The following WASF2 variants were observed in gnomAD, a reference collection of about 807,000 sequenced individuals.
WASF2 encodes the protein WASP family member 2, also known as actin-binding protein WASF2.
Under a neutral mutation model 45.0 loss-of-function variants are expected in WASF2, and 14 were observed. The ratio of observed to expected loss-of-function variants is 0.31; its 90% CI spans 0.21 to 0.49. The LOEUF (loss-of-function observed/expected upper bound fraction) is 0.49. WASF2 is among the 20% of genes least tolerant of loss of function. The pLI, the probability that WASF2 is intolerant of heterozygous loss-of-function variation, is 0.99. For synonymous variants in WASF2, 200 were observed against 236.3 expected (o/e 0.85, Z 1.41); for missense variants, 439 against 636.1 (o/e 0.69, Z 3.33).
At chr1:27,461,528 T>C (rs912372332) in intron 1 of WASF2, among the ~76,000 whole-genome samples, 6 of 150,338 alleles carry the variant, frequency 4.0e-5, no homozygotes, top group African/African-American at 1.5e-4. Context: ...TGACGACGGA[T>C]CTTGGCTCAC....
chr1:27,484,836 G>GA (rs1410935630), intron 1 of WASF2, among the ~76,000 whole-genome samples: 10 of 142,260 alleles, frequency 7.0e-5, no homozygotes, highest in African/African-American at 2.2e-4. Flanking sequence ...TACTCTAAAG[G>GA]AAAAAAATCA....
At chr1:27,441,370 G>A (rs946587023) in intron 1 of WASF2, among the ~76,000 whole-genome samples, 3 of 151,712 alleles carry the variant, frequency 2.0e-5, no homozygotes, top group Admixed American at 2.0e-4. Flanking sequence ...GCTCACACCT[G>A]TAATCCCAGC....
At chr1:27,439,208 A>G (rs2017175875) in intron 1 of WASF2, among the ~76,000 whole-genome samples, 1 of 152,100 alleles carries the variant, frequency 6.6e-6, no homozygotes, top group Non-Finnish European at 1.5e-5. Context: ...CATTATCATG[A>G]CCCCTTGTCT....
chr1:27,486,872 C>T (rs2017934838), intron 1 of WASF2, among the ~76,000 whole-genome samples: 1 of 150,786 alleles, frequency 6.6e-6, no homozygotes, highest in South Asian at 2.1e-4. Context: ...TGCAGTAAGC[C>T]GAGATCACGC....
intron 1 of WASF2, among the ~76,000 whole-genome samples, chr1:27,483,463 C>CT (rs1392420342): frequency 1.3e-5 from 2 of 152,034 alleles, no homozygotes; most frequent in Non-Finnish European, 2.9e-5. Context: ...GAGCAAAACT[C>CT]TGTCTCGGAA....
intron 1 of WASF2, 61 bp from the exon 2 acceptor site, chr1:27,428,994 T>C: frequency 2.3e-6 from 3 of 1,318,600 alleles, no homozygotes; most frequent in Non-Finnish European, 3.1e-6. Context: ...ACTAGGGCTG[T>C]GTGAATCTTT....
chr1:27,481,912 C>T (rs1394996032), intron 1 of WASF2, among the ~76,000 whole-genome samples: 1 of 152,106 alleles, frequency 6.6e-6, no homozygotes, highest in African/African-American at 2.4e-5. Context: ...TGGAAATCAT[C>T]ATGAAAAGCA....
intron 1 of WASF2, among the ~76,000 whole-genome samples, chr1:27,456,706 C>CATTTATTT (rs1226559063): frequency 6.7e-6 from 1 of 150,090 alleles, no homozygotes; most frequent in African/African-American, 2.4e-5. Context: ...GTAAAACTTC[C>CATTTATTT]ATTTATTTAA....
intron 1 of WASF2, among the ~76,000 whole-genome samples, chr1:27,454,458 T>TC (rs2017440433): frequency 6.6e-6 from 1 of 151,638 alleles, no homozygotes; most frequent in Non-Finnish European, 1.5e-5. Flanking sequence ...CAAGAGATCC[T>TC]CCCAAGTAGC....
At chr1:27,415,471 G>A (rs896762441) in intron 5 of WASF2, among the ~76,000 whole-genome samples, 10 of 152,194 alleles carry the variant, frequency 6.6e-5, no homozygotes, top group African/African-American at 2.2e-4. Flanking sequence ...TGGGACTGAG[G>A]TTGCAACTGG....
At chr1:27,451,754 G>C (rs1241566138) in intron 1 of WASF2, among the ~76,000 whole-genome samples, 3 of 152,258 alleles carry the variant, frequency 2.0e-5, no homozygotes, top group African/African-American at 7.2e-5. Flanking sequence ...TGAAAGACCA[G>C]GTACACTTTC....
chr1:27,437,030 C>T (rs1400314657), intron 1 of WASF2, among the ~76,000 whole-genome samples: 1 of 152,208 alleles, frequency 6.6e-6, no homozygotes, highest in Non-Finnish European at 1.5e-5. Context: ...CAGTATCTTA[C>T]TCCTTGAGCA....
Position 27,409,868 on chromosome 1 carries a change from C to T in WASF2, c.1163G>A (p.Gly388Glu). The T allele has an allele frequency of 1.3e-6, 2 of 1,557,384 alleles. No homozygotes were observed. Among genetic ancestry groups the T allele is most frequent in the Admixed American group, 3.6e-5 (2 of 55,860 alleles). ...LPPPPLSQPT[G>E]GAPPPPPPPP... ...AGGAGGGGGAGGAGGAGGTGCTCCTCCTGTTGGCTGGGACAAGGGAGGTGG... is the reference window on the plus strand; with the variant it reads ...AGGAGGGGGAGGAGGAGGTGCTCCTTCTGTTGGCTGGGACAAGGGAGGTGG... The change falls in exon 8 of 9, where the codon GGA becomes GAA. Residue 388 changes from glycine (G) to glutamate (E), a missense_variant. Coordinates refer to ENST00000618852, the MANE Select transcript of WASF2 (RefSeq NM_006990.5).
At chr1:27,449,260 C>G (rs1156697371) in intron 1 of WASF2, among the ~76,000 whole-genome samples, 2 of 152,148 alleles carry the variant, frequency 1.3e-5, no homozygotes, top group African/African-American at 4.8e-5. Context: ...CATCTCTAAT[C>G]TTAGTGCCTA....
At chr1:27,476,311 GTGCCAGC>G (rs1172285596) in intron 1 of WASF2, among the ~76,000 whole-genome samples, 1 of 152,182 alleles carries the variant, frequency 6.6e-6, no homozygotes, top group African/African-American at 2.4e-5. Context: ...ACAGGAAACA[GTGCCAGC>G]ATGTGCTCCT....
chr1:27,432,647 CA>C lies in WASF2; in HGVS notation c.-43-3715del, dbSNP rs558826790. Among the ~76,000 whole-genome samples, 272 of 51,348 alleles carry C rather than the reference CA, an allele frequency of 5.3e-3. 3 individuals carry two copies. The highest frequency in any genetic ancestry group is 0.022 in the African/African-American group (242 of 11,246). The allele number at this position is 51,348 out of a possible 152,430, so 33.7% of individuals were successfully genotyped here. ...TGGGCGACAGAGCGAAACTCTGTCT[CA>C]AAAAAAAAAAAAAAAAAAAAAAAGA... On this transcript the variant is annotated intron_variant, in intron 1 of 8. Transcript: ENST00000618852.
intron 5 of WASF2, 91 bp from the exon 6 acceptor site, chr1:27,415,054 A>C (rs2016809560): frequency 6.7e-7 from 1 of 1,488,688 alleles, no homozygotes; most frequent in African/African-American, 1.4e-5. Flanking sequence ...CGTATCTAAG[A>C]GATAATCTGC....
intron 1 of WASF2, among the ~76,000 whole-genome samples, chr1:27,449,002 G>C (rs983110244): frequency 6.6e-6 from 1 of 151,668 alleles, no homozygotes; most frequent in African/African-American, 2.4e-5. Context: ...CCATACTTTT[G>C]CTCAAGTTTG....
At chr1:27,469,667 C>G (rs1336843013) in intron 1 of WASF2, among the ~76,000 whole-genome samples, 1 of 152,262 alleles carries the variant, frequency 6.6e-6, no homozygotes, top group East Asian at 1.9e-4. Flanking sequence ...GTTGACCAAG[C>G]GCAGTGGCTC....
Sources: gnomAD v4.1 joint callset for allele counts (sites outside exome capture counted in the v4.1 genomes callset) on GRCh38, gnomAD v4.1.1 for gene constraint, MANE v1.5 for transcripts, NCBI Gene and HGNC (gene_info 2026-07-23, HGNC 2026-07-21) for gene names.